The following NCAM2 variants were observed in gnomAD, a reference collection of about 807,000 sequenced individuals.
NCAM2 encodes the protein N-CAM-2.
A neutral mutation model predicts 98.1 loss-of-function variants in NCAM2; 30 were observed. The observed-to-expected ratio is 0.31, with a 90% CI of 0.23 to 0.41. The LOEUF (loss-of-function observed/expected upper bound fraction) is 0.41. Ranked by LOEUF, NCAM2 falls within the 10% of genes least tolerant of loss-of-function variation. NCAM2 has a pLI of 1.00. For missense variants in NCAM2, 867 were observed against 1,005.8 expected (o/e 0.86, Z 1.87); for synonymous variants, 368 against 342.4 (o/e 1.07, Z -0.83).
chr21:21,207,095 G>C (rs2147060012), intron 1 of NCAM2, among the ~76,000 whole-genome samples: 1 of 152,102 alleles, frequency 6.6e-6, no homozygotes. Flanking sequence ...GATTATTATT[G>C]AATGTTAACA....
chr21:21,287,903 A>G (rs1242868137), intron 4 of NCAM2, among the ~76,000 whole-genome samples: 1 of 151,886 alleles, frequency 6.6e-6, no homozygotes, highest in African/African-American at 2.4e-5. Flanking sequence ...TGTAAAACAC[A>G]GATGATTGCC....
At chr21:21,498,469 A>G (rs1199520535) in intron 15 of NCAM2, among the ~76,000 whole-genome samples, 2 of 152,150 alleles carry the variant, frequency 1.3e-5, no homozygotes, top group South Asian at 4.1e-4. Context: ...GTACCCATAC[A>G]GCTCTCATTC....
intron 1 of NCAM2, among the ~76,000 whole-genome samples, chr21:21,017,629 C>T (rs7281727): frequency 6.6e-6 from 1 of 151,810 alleles, no homozygotes; most frequent in Non-Finnish European, 1.5e-5. Flanking sequence ...TGATTTCTTC[C>T]AAAAGCTGCA....
chr21:21,347,572 A>G (rs2075223614), intron 8 of NCAM2, among the ~76,000 whole-genome samples: 1 of 152,062 alleles, frequency 6.6e-6, no homozygotes, highest in Non-Finnish European at 1.5e-5. Flanking sequence ...TCTACCAAAC[A>G]TTTAAAGAAG....
chr21:21,269,050 C>T (rs543031787), intron 1 of NCAM2, among the ~76,000 whole-genome samples: 1 of 152,108 alleles, frequency 6.6e-6, no homozygotes, highest in Non-Finnish European at 1.5e-5. Context: ...GAAATACTTG[C>T]ATTGAAAAAA....
intron 1 of NCAM2, among the ~76,000 whole-genome samples, chr21:21,061,713 CTT>C (rs2065327397): frequency 6.6e-6 from 1 of 150,974 alleles, no homozygotes; most frequent in African/African-American, 2.4e-5. Context: ...AAAATATAAA[CTT>C]ATTTTAACAC....
chr21:21,267,013 A>G (rs1309568074), intron 1 of NCAM2, among the ~76,000 whole-genome samples: 1 of 152,086 alleles, frequency 6.6e-6, no homozygotes, highest in African/African-American at 2.4e-5. Flanking sequence ...CTAGGTACCA[A>G]TTAGTTATTT....
chr21:21,149,370 T>A (rs2067378834), intron 1 of NCAM2, among the ~76,000 whole-genome samples: 1 of 152,134 alleles, frequency 6.6e-6, no homozygotes, highest in Middle Eastern at 3.2e-3. Context: ...TTTATTTAGA[T>A]CTCTTTTAAC....
rs1456114842 is a variant in NCAM2 at position 21,434,936 on chromosome 21, C to T, written c.1654+2655C>T. Among the ~76,000 whole-genome samples the T allele has an allele frequency of 2.0e-5, 3 of 152,132 alleles. No individual in the cohort carries two copies. The East Asian group carries it at 5.8e-4, about 29-fold the overall frequency. ...CATTGGGCTGTCGCTGTCACCTGCC[C>T]TCTGTGGGACAGGCATCTAAGTACC... is the stretch of plus-strand genomic sequence containing the variant. On this transcript the variant is annotated intron_variant, in intron 12 of 17. Coordinates refer to ENST00000400546, the MANE Select transcript of NCAM2 (RefSeq NM_004540.5).
intron 1 of NCAM2, among the ~76,000 whole-genome samples, chr21:21,118,602 G>A (rs1196869085): frequency 6.6e-6 from 1 of 152,014 alleles, no homozygotes; most frequent in African/African-American, 2.4e-5. Context: ...TTAAACAAAG[G>A]GTATTGCTTT....
intron 1 of NCAM2, among the ~76,000 whole-genome samples, chr21:21,252,257 G>A (rs1048972793): frequency 1.6e-5 from 2 of 125,210 alleles, no homozygotes; most frequent in Non-Finnish European, 3.3e-5. Context: ...TGATGGGAGT[G>A]TAAATTAGAA....
intron 5 of NCAM2, among the ~76,000 whole-genome samples, chr21:21,319,621 AC>A (rs2074320482): frequency 1.3e-5 from 2 of 152,212 alleles, no homozygotes; most frequent in Non-Finnish European, 2.9e-5. Context: ...AGCCTGTCCG[AC>A]AGAGTGAGAC....
intron 1 of NCAM2, among the ~76,000 whole-genome samples, chr21:21,212,865 C>G (rs934300786): frequency 9.2e-5 from 14 of 151,636 alleles, no homozygotes; most frequent in African/African-American, 3.4e-4. Context: ...GCCTCAGCCT[C>G]CCGAGTAGCT....
chr21:21,512,157 G>A (rs1187236778), intron 16 of NCAM2, among the ~76,000 whole-genome samples: 2 of 152,054 alleles, frequency 1.3e-5, no homozygotes, highest in Non-Finnish European at 1.5e-5. Context: ...ATTACTCAAA[G>A]AAATTTATGC....
chr21:21,311,478 C>A (rs1217584241), intron 5 of NCAM2, among the ~76,000 whole-genome samples: 1 of 151,716 alleles, frequency 6.6e-6, no homozygotes, highest in Non-Finnish European at 1.5e-5. Flanking sequence ...GTCGCTGGGA[C>A]TACAGGCACC....
chr21:21,324,622 A>T, intron 6 of NCAM2, 122 bp downstream of exon 6: 1 of 715,994 alleles, frequency 1.4e-6, no homozygotes. Flanking sequence ...TTAAAAAAAA[A>T]TCCTGGTGCT....
intron 1 of NCAM2, among the ~76,000 whole-genome samples, chr21:21,142,443 A>G (rs2067189032): frequency 7.3e-6 from 1 of 136,830 alleles, no homozygotes; most frequent in African/African-American, 2.7e-5. Flanking sequence ...CAGTGGCGCA[A>G]TCTCGGCTCA....
At chr21:21,391,372 T>C (rs775225509) in intron 9 of NCAM2, among the ~76,000 whole-genome samples, 3 of 152,154 alleles carry the variant, frequency 2.0e-5, no homozygotes, top group African/African-American at 7.2e-5. Flanking sequence ...TACAACTTAA[T>C]GTGCTTATAA....
intron 8 of NCAM2, among the ~76,000 whole-genome samples, chr21:21,356,923 G>A (rs2075498932): frequency 6.6e-6 from 1 of 152,042 alleles, no homozygotes. Flanking sequence ...CCCGGAGGCG[G>A]AGGTTGCAGG....
Sources: gnomAD v4.1 joint callset for allele counts (sites outside exome capture counted in the v4.1 genomes callset) on GRCh38, gnomAD v4.1.1 for gene constraint, MANE v1.5 for transcripts, NCBI Gene and HGNC (gene_info 2026-07-23, HGNC 2026-07-21) for gene names.